The following RPSA variants were observed in gnomAD, a reference collection of about 807,000 sequenced individuals.
RPSA encodes the protein small ribosomal subunit protein uS2.
For missense variants in RPSA, 140 were observed against 372.8 expected (o/e 0.38, Z 5.14); for synonymous variants, 103 against 126.7 (o/e 0.81, Z 1.25).
intron 4 of RPSA, 64 bp from the exon 5 acceptor site, chr3:39,411,585 G>T: frequency 1.3e-6 from 2 of 1,585,834 alleles, no homozygotes; most frequent in Non-Finnish European, 1.7e-6. Context: ...GTAAGAGCCA[G>T]GAAGGTGCTT....
Position 39,408,610 on chromosome 3 carries a change from C to G in RPSA, c.138C>G (p.Ile46Met), listed in dbSNP as rs1284176153. 1 of 1,569,314 alleles carries G rather than the reference C, an allele frequency of 6.4e-7. No individual in the cohort carries two copies. The highest frequency in any genetic ancestry group is 1.1e-5 in the South Asian group (1 of 90,152). Residue 46 changes from isoleucine to methionine, a missense_variant, in exon 3 of 7, where the codon ATC becomes ATG. Physicochemically the swap from Ile to Met is conservative, Grantham distance 10. Coordinates refer to ENST00000301821, the MANE Select transcript of RPSA (RefSeq NM_002295.6). ...AATCCTTCTGCCCTCACTTAGGCATCTATATCATAAATCTCAAGAGGACCT... is the reference window on the plus strand; with the variant it reads ...AATCCTTCTGCCCTCACTTAGGCATGTATATCATAAATCTCAAGAGGACCT... ...QYIYKRKSDG[I>M]YIINLKRTWE...
At chr3:39,409,246 T>TG (rs141128329) in intron 3 of RPSA, among the ~76,000 whole-genome samples, 55,159 of 140,872 alleles carry the variant, frequency 0.39, 13,019 homozygotes, top group East Asian at 0.61. Context: ...CTGTTGTCCA[T>TG]CCTGGACTGC....
intron 3 of RPSA, chr3:39,408,998 T>A (rs956280714): frequency 2.2e-5 from 8 of 357,992 alleles, no homozygotes; most frequent in South Asian, 1.2e-4. Context: ...AAGTGGAGAA[T>A]GGCGTGAACC....
intron 1 of RPSA, 126 bp from the exon 2 acceptor site, chr3:39,407,495 T>A (rs923825020): frequency 9.2e-6 from 7 of 761,942 alleles, no homozygotes; most frequent in Non-Finnish European, 2.3e-6. Flanking sequence ...AACTTTCTGT[T>A]TACCCTTCAC....
chr3:39,408,696 G>C lies in RPSA; in HGVS notation c.224G>C (p.Ser75Thr), dbSNP rs1321815796. The C allele has an allele frequency of 6.2e-7, 1 of 1,605,522 alleles. No homozygotes were observed. Among genetic ancestry groups the C allele is most frequent in the Admixed American group, 1.7e-5 (1 of 60,002 alleles). ...IVAIENPADV[S>T]VISSRNTGQR... is the part of the protein sequence containing the mutation. Reference sequence around the variant, plus strand: ...GCCATTGAAAACCCTGCTGATGTCAGTGTTATATCCTCCAGGAATACTGGC... The same window carrying C: ...GCCATTGAAAACCCTGCTGATGTCACTGTTATATCCTCCAGGAATACTGGC... The change falls in exon 3 of 7, where the codon AGT becomes ACT. Residue 75 changes from serine to threonine, a missense_variant. By Grantham distance (58) the Ser-to-Thr change is moderately conservative. Coordinates refer to ENST00000301821, the MANE Select transcript of RPSA (RefSeq NM_002295.6).
rs757976593 is a variant in RPSA, at chr3:39,407,907, C to T, written c.133+121C>T. The T allele has an allele frequency of 2.6e-4, 180 of 695,074 alleles. 1 individual carries two copies. The highest frequency in any genetic ancestry group is 3.4e-4 in the Non-Finnish European group (140 of 417,024). 43.1% of individuals were successfully genotyped at this position (695,074 alleles called of 1,614,324 possible). On this transcript the variant is annotated intron_variant, in intron 2 of 6. Coordinates refer to ENST00000301821, the MANE Select transcript of RPSA (RefSeq NM_002295.6). The stretch of plus-strand genomic sequence containing the variant: ...TTCCTTAAATGAAGCCAGACCCCTA[C>T]GTTGAAAACATACTTTAAATAAATG...
chr3:39,412,493 A>T lies in RPSA; in HGVS notation c.*125A>T. On this transcript the variant is annotated 3_prime_UTR_variant, in exon 7 of 7. Transcript: ENST00000301821. The stretch of plus-strand genomic sequence containing the variant: ...CAGATCAGAATACCTGGGATTGCAT[A>T]TCAAAGCATAATAATAAATACATGT... 1.6e-6 allele frequency: 1 copy of T among 622,716 alleles called. No homozygotes were observed. The highest frequency in any genetic ancestry group is 2.8e-6 in the Non-Finnish European group (1 of 352,408). The allele number at this position is 622,716 out of a possible 1,614,324, so 38.6% of individuals were successfully genotyped here. A position where few individuals can be genotyped will look rare whatever the true frequency, so the allele number is the denominator to read the frequency against.
At chr3:39,409,460 C>T (rs1357190203) in intron 3 of RPSA, among the ~76,000 whole-genome samples, 1 of 152,182 alleles carries the variant, frequency 6.6e-6, no homozygotes, top group African/African-American at 2.4e-5. Flanking sequence ...CTCGGCCTCC[C>T]AAAGTGTTGG....
intron 3 of RPSA, 163 bp downstream of exon 3, chr3:39,408,887 A>C: frequency 3.5e-6 from 2 of 565,302 alleles, no homozygotes; most frequent in Non-Finnish European, 6.4e-6. Context: ...TTACGAGGTC[A>C]GGAGATCCAC....
At chr3:39,406,796 C>A in intron 1 of RPSA, 32 bp downstream of exon 1, 1 of 451,042 alleles carries the variant, frequency 2.2e-6, no homozygotes, top group Non-Finnish European at 4.5e-6. Flanking sequence ...TGGCGCCTTC[C>A]AGGGCTAGAA....
intron 1 of RPSA, chr3:39,407,226 C>G (rs939787888): frequency 2.9e-6 from 1 of 343,968 alleles, no homozygotes; most frequent in Non-Finnish European, 5.7e-6. Context: ...TCCAAAGCAT[C>G]CGCCTACAAT....
intron 3 of RPSA, chr3:39,410,213 C>A: frequency 6.6e-6 from 1 of 152,158 alleles, no homozygotes; most frequent in South Asian, 1.8e-4. Context: ...TTTTTTGCCA[C>A]AGCTCTATTT....
Position 39,407,674 on chromosome 3 carries a change from C to G in RPSA, c.21C>G (p.Val7=), listed in dbSNP as rs2125591298. 1 of 1,595,810 alleles carries G rather than the reference C, an allele frequency of 6.3e-7. No homozygotes were observed. The highest frequency in any genetic ancestry group is 1.7e-5 in the Admixed American group (1 of 60,014). ...TCACAATGTCCGGAGCCCTTGATGT[C>G]CTGCAAATGAAGGAGGAGGATGTCC... MSGALD[V]LQMKEEDVLK... Residue 7 remains valine, a synonymous_variant, in exon 2 of 7, where the codon GTC becomes GTG. Transcript: ENST00000301821.
At chr3:39,411,202 C>T (rs1487045640) in intron 4 of RPSA, 9 of 757,394 alleles carry the variant, frequency 1.2e-5, no homozygotes, top group African/African-American at 1.7e-5. Context: ...ATTCTTGCTA[C>T]AAGTATAACA....
At chr3:39,411,128 A>G (rs780297599) in intron 4 of RPSA, 129 bp downstream of exon 4, 10 of 1,209,682 alleles carry the variant, frequency 8.3e-6, no homozygotes, top group South Asian at 4.8e-5. Flanking sequence ...AGTGTGCTAC[A>G]TGAGGGGCAA....
intron 3 of RPSA, 45 bp downstream of exon 3, chr3:39,408,769 T>A (rs763123376): frequency 4.6e-6 from 5 of 1,076,068 alleles, no homozygotes; most frequent in Non-Finnish European, 4.3e-6. Context: ...AAATAAAGCT[T>A]ACAGACATTG....
chr3:39,410,728 A>G (rs771836626), intron 3 of RPSA, 26 bp from the exon 4 acceptor site: 1 of 1,613,734 alleles, frequency 6.2e-7, no homozygotes, highest in African/African-American at 1.3e-5. Flanking sequence ...AATATCGAGT[A>G]CCACTAACTT....
At chr3:39,411,219 C>T (rs1431364355) in intron 4 of RPSA, 1 of 744,662 alleles carries the variant, frequency 1.3e-6, no homozygotes, top group Admixed American at 1.7e-5. Flanking sequence ...AACATTACTG[C>T]ATGACAGCTT....
Position 39,406,747 on chromosome 3 carries a change from C to A in RPSA, c.-51C>A. On this transcript the variant is annotated 5_prime_UTR_variant, in exon 1 of 7. Coordinates refer to ENST00000301821, the MANE Select transcript of RPSA (RefSeq NM_002295.6). ...TTTCCGTGCTACCTGCAGAGGGGTC[C>A]ATACGGCGTTGTTCTGGGTGAGTTC... is the stretch of plus-strand genomic sequence containing the variant. 25 of 408,886 alleles carry A rather than the reference C, an allele frequency of 6.1e-5. 1 individual carries two copies. Among genetic ancestry groups the A allele is most frequent in the South Asian group, 4.4e-4 (25 of 57,130 alleles). The allele number at this position is 408,886 out of a possible 1,614,324, so 25.3% of individuals were successfully genotyped here.
Sources: allele counts gnomAD v4.1 joint callset (sites outside exome capture counted in the v4.1 genomes callset), GRCh38; gene constraint gnomAD v4.1.1; transcripts MANE v1.5; gene names NCBI Gene and HGNC (gene_info 2026-07-23, HGNC 2026-07-21).